CLEC4M: variants seen among roughly 807,000 people sequenced by gnomAD.
CLEC4M encodes C-type lectin domain family 4 member M.
In CLEC4M, 25 loss-of-function variants were observed where a neutral mutation model predicts 39.1. That is an observed-to-expected ratio of 0.64 (90% confidence interval 0.47 to 0.89). The LOEUF (loss-of-function observed/expected upper bound fraction) is 0.89, where lower values mean the gene tolerates loss of function less well. Among genes scored for constraint, CLEC4M ranks in the 40% least tolerant of loss-of-function variants. The probability of loss-of-function intolerance (pLI) is 0.00; values close to 1 mark genes in which losing one functional copy is unlikely to be tolerated. For synonymous variants in CLEC4M, 155 were observed against 177.4 expected (o/e 0.87, Z 1.00); for missense variants, 353 against 431.4 (o/e 0.82, Z 1.61).
At chr19:7,765,436 C>A in intron 3 of CLEC4M, 168 bp downstream of exon 3, 1 of 1,137,090 alleles carries the variant, frequency 8.8e-7, no homozygotes, top group South Asian at 1.6e-5. Flanking sequence ...TAGAGCAGGA[C>A]AGGAGAGGGA....
chr19:7,766,650 C>A lies in CLEC4M; in HGVS notation c.785-6C>A. ...GAGCCCAGCCCTGACCAGCCTCCCC[C>A]AACAGAACGCCTGTGCCGCCACTGT... On this transcript the variant is annotated splice_polypyrimidine_tract_variant and splice_region_variant and intron_variant, in intron 4 of 6. Coordinates refer to ENST00000327325, the MANE Select transcript of CLEC4M (RefSeq NM_014257.5). 6.2e-7 allele frequency: 1 copy of A among 1,614,230 alleles called. No individual in the cohort carries two copies. The highest frequency in any genetic ancestry group is 1.1e-5 in the South Asian group (1 of 91,090).
Position 7,766,140 on chromosome 19 carries a change from T to C in CLEC4M, c.717T>C (p.Gly239=). Residue 239 remains glycine (G), a synonymous_variant, in exon 4 of 7, where the codon GGT becomes GGC. Coordinates refer to ENST00000327325, the MANE Select transcript of CLEC4M (RefSeq NM_014257.5). The part of the protein sequence containing the change: ...QELTQLKAAV[G]ELPDQSKQQQ... ...TGACCCAGCTGAAGGCTGCAGTGGG[T>C]GAGTTGCCAGACCAGTCCAAGCAGC... 6.2e-7 allele frequency: 1 copy of C among 1,613,968 alleles called. No individual in the cohort carries two copies. The highest frequency in any genetic ancestry group is 8.5e-7 in the Non-Finnish European group (1 of 1,179,904).
chr19:7,767,450 G>C lies in CLEC4M; in HGVS notation c.937-66G>C, dbSNP rs1599521388. ...TTGAAAGCAGAACTTTCTGCCAAGA[G>C]ACGGGGAGGTGGAACCTGGAAAATG... is the stretch of plus-strand genomic sequence containing the variant. On this transcript the variant is annotated intron_variant, in intron 5 of 6. Coordinates refer to ENST00000327325, the MANE Select transcript of CLEC4M (RefSeq NM_014257.5). 13 of 1,247,884 alleles carry C rather than the reference G, an allele frequency of 1.0e-5. No homozygotes were observed. In the East Asian group the frequency reaches 3.0e-4, roughly 29 times the overall value. 77.3% of individuals were successfully genotyped at this position (1,247,884 alleles called of 1,614,324 possible).
At chr19:7,765,005 G>A (rs55731794) in intron 2 of CLEC4M, among the ~76,000 whole-genome samples, 180 bp from the exon 3 acceptor site, 59,919 of 151,308 alleles carry the variant, frequency 0.4, 11,987 homozygotes, top group Non-Finnish European at 0.41. Flanking sequence ...GGAGAGGCTG[G>A]GGATGGGGTT....
In CLEC4M at chr19:7,765,275, G is replaced by A. The variant is rs535347455; in HGVS notation, c.214+7G>A. ...GTGGCCATCCTTGTCCAAGGTCAGG[G>A]GCAGGTTCTGAGGGTCTGGGGTCCC... On this transcript the variant is annotated splice_region_variant and intron_variant, in intron 3 of 6. Transcript: ENST00000327325. 2.5e-5 allele frequency: 41 copies of A among 1,614,076 alleles called. No homozygotes were observed. The South Asian group carries it at 4.4e-4, about 17-fold the overall frequency.
Position 7,763,469 on chromosome 19 carries a change from C to A in CLEC4M, c.123C>A (p.Ser41Arg). Reference sequence around the variant, plus strand: ...TCCAGCAGATACATGGCCACAAGAGCTCTACAGGTAGGCAAGAGTTAGGGA... The same window carrying A: ...TCCAGCAGATACATGGCCACAAGAGATCTACAGGTAGGCAAGAGTTAGGGA... ...FQFQQIHGHKSSTGCLGHGAL... is the reference protein window; with the variant it reads ...FQFQQIHGHKRSTGCLGHGAL... The change falls in exon 2 of 7, where the codon AGC (serine) becomes AGA (arginine). Residue 41 changes from serine (S) to arginine (R), a missense_variant. By Grantham distance (110) the Ser-to-Arg change is moderately radical. Around this residue, in one of 4 missense-constraint regions of CLEC4M, gnomAD observed 91 missense variants for 77.8 expected, o/e 1.17. Transcript: ENST00000327325. 1 of 1,613,812 alleles carries A rather than the reference C, an allele frequency of 6.2e-7. No individual in the cohort carries two copies. The highest frequency in any genetic ancestry group is 8.5e-7 in the Non-Finnish European group (1 of 1,179,800).
intron 6 of CLEC4M, chr19:7,768,544 T>A: frequency 4.4e-6 from 1 of 228,414 alleles, no homozygotes; most frequent in Non-Finnish European, 8.8e-6. Context: ...GCCACTGCAC[T>A]CCAGCCTGGC....
rs555004163 is a variant in CLEC4M, at chr19:7,765,234, C to T, written c.180C>T (p.Leu60=). ...ALVLQLLSFM[L]LAGVLVAILV... is the part of the protein sequence containing the mutation. ...TGCTGCAACTCCTCTCCTTCATGCTCTTGGCTGGGGTCCTGGTGGCCATCC... is the reference window on the plus strand; with the variant it reads ...TGCTGCAACTCCTCTCCTTCATGCTTTTGGCTGGGGTCCTGGTGGCCATCC... Residue 60 remains leucine, a synonymous_variant, in exon 3 of 7, where the codon CTC becomes CTT. Coordinates refer to ENST00000327325, the MANE Select transcript of CLEC4M (RefSeq NM_014257.5). 1 of 1,614,152 alleles carries T rather than the reference C, an allele frequency of 6.2e-7. No individual in the cohort carries two copies. The highest frequency in any genetic ancestry group is 8.5e-7 in the Non-Finnish European group (1 of 1,179,998).
At chr19:7,768,797 C>T in intron 6 of CLEC4M, 41 bp from the exon 7 acceptor site, 13 of 1,603,024 alleles carry the variant, frequency 8.1e-6, no homozygotes, top group African/African-American at 1.3e-5. Context: ...GGCTCATCTA[C>T]TGGGCAGGGC....
Position 7,763,524 on chromosome 19 carries a change from C to A in CLEC4M, c.130+48C>A, listed in dbSNP as rs749194207. On this transcript the variant is annotated intron_variant, in intron 2 of 6. Coordinates refer to ENST00000327325, the MANE Select transcript of CLEC4M (RefSeq NM_014257.5). ...ATAGTGGAAGACAGAGCCTCCCAGA[C>A]CCCTGGGTCCTGGGGAGGTAGGTGT... 4.7e-6 allele frequency: 7 copies of A among 1,501,962 alleles called. No individual in the cohort carries two copies. In the Admixed American group the frequency reaches 6.8e-5, roughly 15 times the overall value. The allele number at this position is 1,501,962 out of a possible 1,614,324, so 93.0% of individuals were successfully genotyped here.
At position 7,769,196 on chromosome 19, in the gene CLEC4M, A is replaced by G. The variant is rs147153066; in HGVS notation, c.*208A>G. On this transcript the variant is annotated 3_prime_UTR_variant, in exon 7 of 7. Coordinates refer to ENST00000327325, the MANE Select transcript of CLEC4M (RefSeq NM_014257.5). ...GGTGTAGAGCTTGTGTTCTTGGCCC[A>G]TCCTTGGAGCTTTATAAGTGACCTG... 43 of 501,010 alleles carry G rather than the reference A, an allele frequency of 8.6e-5. No homozygotes were observed. The East Asian group carries it at 1.3e-3, about 15-fold the overall frequency. The allele number at this position is 501,010 out of a possible 1,614,324, so 31.0% of individuals were successfully genotyped here. A position where few individuals can be genotyped will look rare whatever the true frequency, so the allele number is the denominator to read the frequency against.
chr19:7,767,974 C>T (rs655569), intron 6 of CLEC4M: 7,356 of 188,766 alleles, frequency 0.039, 562 homozygotes, highest in African/African-American at 0.16. Flanking sequence ...TCCTAGAGGG[C>T]GCACATTTCA....
chr19:7,764,180 A>C (rs1023832460), intron 2 of CLEC4M, among the ~76,000 whole-genome samples: 1 of 152,036 alleles, frequency 6.6e-6, no homozygotes, highest in Non-Finnish European at 1.5e-5. Flanking sequence ...AGCCCCAAAC[A>C]AAGAGTCAAG....
rs1171885982 is a variant in CLEC4M, at chr19:7,767,512, C to T, written c.937-4C>T. On this transcript the variant is annotated splice_region_variant and splice_polypyrimidine_tract_variant and intron_variant, in intron 5 of 6. Coordinates refer to ENST00000327325, the MANE Select transcript of CLEC4M (RefSeq NM_014257.5). Reference sequence around the variant, plus strand: ...TCCCTCCTGACTCCTCCTCTACCCTCCAGAACTTCCTACAGCTGCAGACTT... The same window carrying T: ...TCCCTCCTGACTCCTCCTCTACCCTTCAGAACTTCCTACAGCTGCAGACTT... The T allele has an allele frequency of 6.2e-7, 1 of 1,612,768 alleles. No individual in the cohort carries two copies. Among genetic ancestry groups the T allele is most frequent in the Non-Finnish European group, 8.5e-7 (1 of 1,178,772 alleles).
rs1238620729 is a variant in CLEC4M, at chr19:7,769,350, A to T, written c.*362A>T. The T allele has an allele frequency of 4.2e-5, 7 of 168,010 alleles. No homozygotes were observed. The East Asian group carries it at 1.1e-3, about 27-fold the overall frequency. 10.4% of individuals were successfully genotyped at this position (168,010 alleles called of 1,614,324 possible). A position where few individuals can be genotyped will look rare whatever the true frequency, so the allele number is the denominator to read the frequency against. On this transcript the variant is annotated 3_prime_UTR_variant, in exon 7 of 7. Transcript: ENST00000327325. ...CTGGGGCTTTATCTCATCCATGCAA[A>T]CTACCATCTGCTCAACTTCCAGCTA...
At chr19:7,765,459 G>A (rs2034215651) in intron 3 of CLEC4M, 179 bp from the exon 4 acceptor site, 6 of 1,216,252 alleles carry the variant, frequency 4.9e-6, no homozygotes, top group African/African-American at 1.5e-5. Context: ...AGGAGGAGGG[G>A]AAGAACCTGG....
chr19:7,768,638 A>G, intron 6 of CLEC4M, 200 bp from the exon 7 acceptor site: 1 of 497,732 alleles, frequency 2.0e-6, no homozygotes, highest in South Asian at 4.1e-5. Flanking sequence ...CCTCAGTAGG[A>G]GTCCTCCCAA....
At chr19:7,767,373 C>T (rs1470679361) in intron 5 of CLEC4M, 143 bp from the exon 6 acceptor site, 3 of 626,186 alleles carry the variant, frequency 4.8e-6, no homozygotes, top group Non-Finnish European at 8.5e-6. Flanking sequence ...GTGAGAGGGG[C>T]TCAGACATGA....
At chr19:7,764,446 G>A (rs1455188525) in intron 2 of CLEC4M, among the ~76,000 whole-genome samples, 1 of 151,980 alleles carries the variant, frequency 6.6e-6, no homozygotes, top group Non-Finnish European at 1.5e-5. Flanking sequence ...AAAACAGGCA[G>A]TTAATTCTTT....
Sources: gnomAD v4.1 joint callset for allele counts (sites outside exome capture counted in the v4.1 genomes callset) on GRCh38, gnomAD v4.1.1 for gene constraint, gnomAD v4.1.1 regional missense constraint, MANE v1.5 for transcripts, NCBI Gene and HGNC (gene_info 2026-07-23, HGNC 2026-07-21) for gene names.